OPCML: variants seen among roughly 807,000 people sequenced by gnomAD.
OPCML encodes the protein opioid binding protein/cell adhesion molecule like, also known as opioid-binding protein/cell adhesion molecule.
A neutral mutation model predicts 37.8 loss-of-function variants in OPCML; 13 were observed. The observed-to-expected ratio is 0.34, with a 90% CI of 0.22 to 0.55. OPCML has a LOEUF of 0.55. Ranked by LOEUF, OPCML falls within the 20% of genes least tolerant of loss-of-function variation. OPCML has a pLI of 0.91. For missense variants in OPCML, 341 were observed against 435.6 expected (o/e 0.78, Z 1.93); for synonymous variants, 176 against 168.8 (o/e 1.04, Z -0.33).
intron 1 of OPCML, among the ~76,000 whole-genome samples, chr11:133,233,360 C>CA (rs1178923408): frequency 6.6e-6 from 1 of 152,134 alleles, no homozygotes; most frequent in Non-Finnish European, 1.5e-5. Context: ...GATTCTCTGC[C>CA]ATCCCCCTTT....
chr11:133,470,121 G>T (rs898750409), intron 1 of OPCML, among the ~76,000 whole-genome samples: 1 of 152,138 alleles, frequency 6.6e-6, no homozygotes, highest in African/African-American at 2.4e-5. Flanking sequence ...CCATTTTCAA[G>T]GGGAAACCAT....
At chr11:133,214,705 T>C (rs565098596) in intron 1 of OPCML, among the ~76,000 whole-genome samples, 7 of 152,320 alleles carry the variant, frequency 4.6e-5, no homozygotes, top group Admixed American at 3.3e-4. Context: ...CCTCCTCTCA[T>C]CATCAGTTTA....
Position 132,773,359 on chromosome 11 carries a change from C to G in OPCML, c.147-116040G>C, listed in dbSNP as rs537814942. On this transcript the variant is annotated intron_variant, in intron 2 of 7. Transcript: ENST00000524381. ...ACCAACCACAGGCTCTGCCCTCCCC[C>G]ACTCCCCCTTTCATTTTATTTCAAT... 2.0e-5 allele frequency: 3 copies of G among 152,258 alleles called. No homozygotes were observed. In the East Asian group the frequency reaches 5.8e-4, roughly 30 times the overall value. 9.4% of individuals were successfully genotyped at this position (152,258 alleles called of 1,614,324 possible).
intron 1 of OPCML, among the ~76,000 whole-genome samples, chr11:132,950,765 AC>A (rs1845482321): frequency 1.3e-5 from 2 of 152,078 alleles, no homozygotes; most frequent in Admixed American, 1.3e-4. Context: ...CCTTCAGCCA[AC>A]CCCGTGAGAT....
Position 133,206,412 on chromosome 11 carries a change from G to A in OPCML, c.62-263402C>T, listed in dbSNP as rs148283905. ...TAACTTCTGGAGTCCTCAGTTTCCT[G>A]AGCTATGAAATATAAAAACTATATG... On this transcript the variant is annotated intron_variant, in intron 1 of 7. Coordinates refer to ENST00000524381, the MANE Select transcript of OPCML (RefSeq NM_001012393.5). The surrounding 1 kb of genome is among the most constrained non-coding windows in gnomAD (Gnocchi z 4.7). 5.6e-4 allele frequency among the ~76,000 whole-genome samples: 86 copies of A among 152,258 alleles called. No individual in the cohort carries two copies. The highest frequency in any genetic ancestry group is 2.0e-3 in the African/African-American group (82 of 41,546).
chr11:133,521,281 C>T (rs576218284), intron 1 of OPCML, among the ~76,000 whole-genome samples: 64 of 152,316 alleles, frequency 4.2e-4, no homozygotes, highest in Non-Finnish European at 7.8e-4. Context: ...GATCACTTGG[C>T]TCATAAGCTG....
rs575089326 is a variant in OPCML at position 132,498,715 on chromosome 11, C to T, written c.505+30346G>A. 1.8e-4 allele frequency among the ~76,000 whole-genome samples: 25 copies of T among 142,852 alleles called. No individual in the cohort carries two copies. In the South Asian group the frequency reaches 4.1e-3, roughly 24 times the overall value. The allele number at this position is 142,852 out of a possible 152,430, so 93.7% of individuals were successfully genotyped here. ...TCCTGGCTCTTAGGCATATAGGATC[C>T]GAAGAACCCAAGTCCTGATGTTTTA... On this transcript the variant is annotated intron_variant, in intron 4 of 7. Transcript: ENST00000524381.
intron 1 of OPCML, among the ~76,000 whole-genome samples, chr11:133,137,598 T>A (rs1420545798): frequency 2.0e-5 from 3 of 152,140 alleles, no homozygotes; most frequent in Non-Finnish European, 4.4e-5. Flanking sequence ...TAAAATTGAG[T>A]TTGGTGTATC....
chr11:132,680,834 C>T (rs1181927784), intron 2 of OPCML, among the ~76,000 whole-genome samples: 3 of 152,178 alleles, frequency 2.0e-5, no homozygotes, highest in Admixed American at 2.0e-4. Context: ...TGACAAGCCG[C>T]TCCTGCATGT....
intron 4 of OPCML, among the ~76,000 whole-genome samples, chr11:132,441,801 G>A: frequency 6.6e-6 from 1 of 152,222 alleles, no homozygotes; most frequent in Non-Finnish European, 1.5e-5. Context: ...CGGGGATGTG[G>A]GGGTTGTTGC....
intron 2 of OPCML, among the ~76,000 whole-genome samples, chr11:132,852,511 G>C (rs1565911017): frequency 6.6e-6 from 1 of 152,176 alleles, no homozygotes; most frequent in Non-Finnish European, 1.5e-5. Flanking sequence ...CAAGGCAATA[G>C]TGGGTGGAAC....
chr11:132,796,836 G>A (rs183145739), intron 2 of OPCML, among the ~76,000 whole-genome samples: 3 of 152,130 alleles, frequency 2.0e-5, no homozygotes, highest in African/African-American at 7.2e-5. Flanking sequence ...GATAGTGAGT[G>A]TGAAATGGTA....
Position 133,145,063 on chromosome 11 carries a change from G to A in OPCML, c.62-202053C>T, listed in dbSNP as rs374636190. On this transcript the variant is annotated intron_variant, in intron 1 of 7. Coordinates refer to ENST00000524381, the MANE Select transcript of OPCML (RefSeq NM_001012393.5). ...TGGCATGTGGGAATCAGCAGAAAAC[G>A]GCAGCGAGTGAGACCAGGTGAGAAT... is the stretch of plus-strand genomic sequence containing the variant. Among the ~76,000 whole-genome samples, 48 of 152,304 alleles carry A rather than the reference G, an allele frequency of 3.2e-4. No individual in the cohort carries two copies. In the East Asian group the frequency reaches 6.6e-3, roughly 21 times the overall value.
intron 1 of OPCML, among the ~76,000 whole-genome samples, chr11:133,441,864 A>G (rs1358217021): frequency 6.6e-6 from 1 of 152,206 alleles, no homozygotes; most frequent in Non-Finnish European, 1.5e-5. Context: ...TTATTTTTTT[A>G]ATTGTTAAAG....
chr11:133,009,809 T>C (rs1439548350), intron 1 of OPCML, among the ~76,000 whole-genome samples: 2 of 152,184 alleles, frequency 1.3e-5, no homozygotes, highest in Non-Finnish European at 2.9e-5. Flanking sequence ...TGCTCACTGC[T>C]GGCCACTCAC....
In OPCML at chr11:133,208,305, A is replaced by G. The variant is rs1939195904; in HGVS notation, c.62-265295T>C. ...ATACCAGTGAGTGAATGAATGCGGGACAGAAGCCTACACTACCGTGTGTTC... is the reference window on the plus strand; with the variant it reads ...ATACCAGTGAGTGAATGAATGCGGGGCAGAAGCCTACACTACCGTGTGTTC... On this transcript the variant is annotated intron_variant, in intron 1 of 7. Coordinates refer to ENST00000524381, the MANE Select transcript of OPCML (RefSeq NM_001012393.5). The surrounding 1 kb of genome is among the most constrained non-coding windows in gnomAD (Gnocchi z 8.9). Among the ~76,000 whole-genome samples, 1 of 152,184 alleles carries G rather than the reference A, an allele frequency of 6.6e-6. No individual in the cohort carries two copies. The highest frequency in any genetic ancestry group is 1.9e-4 in the East Asian group (1 of 5,188).
chr11:133,153,232 G>T (rs765151739), intron 1 of OPCML, among the ~76,000 whole-genome samples: 12 of 152,190 alleles, frequency 7.9e-5, no homozygotes, highest in Non-Finnish European at 1.8e-4. Context: ...AGGCGTTCTC[G>T]GAAGATGGGG....
At chr11:133,386,487 T>C (rs536918709) in intron 1 of OPCML, among the ~76,000 whole-genome samples, 17 of 152,278 alleles carry the variant, frequency 1.1e-4, no homozygotes, top group African/African-American at 4.1e-4. Context: ...CACTTCCTTT[T>C]TCTGTCTCAC....
intron 4 of OPCML, among the ~76,000 whole-genome samples, chr11:132,527,949 C>G: frequency 6.6e-6 from 1 of 152,042 alleles, no homozygotes; most frequent in East Asian, 1.9e-4. Flanking sequence ...ACAAGTCAAG[C>G]AATGCCAGTG....
Sources: allele counts gnomAD v4.1 joint callset (sites outside exome capture counted in the v4.1 genomes callset), GRCh38; gene constraint gnomAD v4.1.1; non-coding constraint Gnocchi (gnomAD v3.1); transcripts MANE v1.5; gene names NCBI Gene and HGNC (gene_info 2026-07-23, HGNC 2026-07-21).